Variants in SFMBT2 observed in about 807,000 individuals in gnomAD.
SFMBT2 encodes Scm like with four mbt domains 2.
In SFMBT2, 38 loss-of-function variants were observed where a neutral mutation model predicts 110.1. The observed-to-expected ratio is 0.35, with a 90% CI of 0.27 to 0.45. SFMBT2 has a LOEUF of 0.45. Among genes scored for constraint, SFMBT2 ranks in the 20% least tolerant of loss-of-function variants. SFMBT2 has a pLI of 1.00. For missense variants in SFMBT2, 1,011 were observed against 1,094.9 expected (o/e 0.92, Z 1.08); for synonymous variants, 425 against 425.4 (o/e 1.00, Z 0.01).
chr10:7,343,130 A>G (rs149277637), intron 4 of SFMBT2, among the ~76,000 whole-genome samples: 201 of 152,092 alleles, frequency 1.3e-3, no homozygotes, highest in Non-Finnish European at 2.6e-3. Flanking sequence ...AAGTGAGAGC[A>G]TGCAGCATCT....
intron 14 of SFMBT2, 197 bp from the exon 15 acceptor site, chr10:7,197,884 TTAGAA>T (rs1342325703): frequency 1.4e-5 from 12 of 863,164 alleles, no homozygotes; most frequent in Non-Finnish European, 1.7e-5. Context: ...GCCAGTGTCG[TTAGAA>T]CTGTAATTAG....
At position 7,248,599 on chromosome 10, in the gene SFMBT2, C is replaced by T. The variant is rs144205554; in HGVS notation, c.921G>A (p.Glu307=). 8.8e-4 allele frequency: 1,419 copies of T among 1,614,202 alleles called. 7 individuals carry two copies. The highest frequency in any genetic ancestry group is 3.0e-3 in the Middle Eastern group (18 of 6,060). The change falls in exon 8 of 21, where the codon GAG becomes GAA. Residue 307 remains glutamate, a synonymous_variant. Coordinates refer to ENST00000397167, the MANE Select transcript of SFMBT2 (RefSeq NM_001387889.1). ...AAAAGGGCTCGCACATATTCACTGT[C>T]TCAAGCTTCATCCCAACTGTGAAGA... is the stretch of plus-strand genomic sequence containing the variant. The part of the protein sequence containing the change: ...SHFFTVGMKL[E]TVNMCEPFYI...
At chr10:7,406,642 TAACA>T (rs959569769) in intron 1 of SFMBT2, among the ~76,000 whole-genome samples, 46 of 152,294 alleles carry the variant, frequency 3.0e-4, no homozygotes, top group African/African-American at 1.1e-3. Context: ...CAGTTATTTA[TAACA>T]ACCAATGTTA....
At chr10:7,233,806 C>T (rs1235608301) in intron 9 of SFMBT2, among the ~76,000 whole-genome samples, 1 of 152,232 alleles carries the variant, frequency 6.6e-6, no homozygotes, top group Non-Finnish European at 1.5e-5. Context: ...CCCACTAAAG[C>T]CAGGGGCTCT....
intron 2 of SFMBT2, among the ~76,000 whole-genome samples, chr10:7,378,048 TG>T (rs1845296540): frequency 6.7e-6 from 1 of 148,186 alleles, no homozygotes; most frequent in Non-Finnish European, 1.5e-5. Flanking sequence ...GATGGGTGGA[TG>T]GATGGATGTG....
At chr10:7,254,790 T>C (rs1242819991) in intron 7 of SFMBT2, among the ~76,000 whole-genome samples, 1 of 152,078 alleles carries the variant, frequency 6.6e-6, no homozygotes, top group Non-Finnish European at 1.5e-5. Context: ...ATCGAGCCAC[T>C]GCACTCAAGC....
rs569869539 is a variant in SFMBT2 at position 7,187,482 on chromosome 10, T to C, written c.1808+1142A>G. Among the ~76,000 whole-genome samples the C allele has an allele frequency of 4.6e-5, 7 of 152,360 alleles. No homozygotes were observed. In the South Asian group the frequency reaches 1.2e-3, roughly 27 times the overall value. ...AATGTAGCAGCATCGTTAATTGGCC[T>C]GCCATTTTCTGCAAATAAACCCTCT... On this transcript the variant is annotated intron_variant, in intron 16 of 20. Transcript: ENST00000397167.
At chr10:7,314,903 G>C (rs966179526) in intron 4 of SFMBT2, among the ~76,000 whole-genome samples, 1 of 150,690 alleles carries the variant, frequency 6.6e-6, no homozygotes, top group African/African-American at 2.5e-5. Flanking sequence ...GTGAGAAAGA[G>C]AGAAAGAGAA....
chr10:7,246,244 T>A, intron 8 of SFMBT2: 1 of 809,972 alleles, frequency 1.2e-6, no homozygotes, highest in African/African-American at 1.9e-5. Flanking sequence ...GTAAAAATAC[T>A]TTCTCCCTCC....
chr10:7,312,656 G>A (rs553022103), intron 4 of SFMBT2, among the ~76,000 whole-genome samples: 10 of 152,106 alleles, frequency 6.6e-5, no homozygotes, highest in South Asian at 2.1e-4. Flanking sequence ...GCAACTGCCC[G>A]GAGACCTCTG....
rs555861487 is a variant in SFMBT2 at position 7,313,438 on chromosome 10, C to T, written c.437-27484G>A. Among the ~76,000 whole-genome samples, 21 of 152,284 alleles carry T rather than the reference C, an allele frequency of 1.4e-4. No homozygotes were observed. The South Asian group carries it at 4.3e-3, about 32-fold the overall frequency. ...GCTCAAGCAATCTGCCCACCTCAGC[C>T]TCCCAAGTAGCTGGGAGTACAGGTG... On this transcript the variant is annotated intron_variant, in intron 4 of 20. Transcript: ENST00000397167.
intron 4 of SFMBT2, among the ~76,000 whole-genome samples, chr10:7,313,292 GA>G (rs1842906242): frequency 5.3e-5 from 8 of 151,942 alleles, no homozygotes; most frequent in Admixed American, 5.2e-4. Context: ...TAAAAACCTA[GA>G]GGGGCGAATA....
chr10:7,347,711 C>T (rs768011091), intron 4 of SFMBT2, among the ~76,000 whole-genome samples: 5 of 152,108 alleles, frequency 3.3e-5, no homozygotes, highest in Non-Finnish European at 7.4e-5. Flanking sequence ...ACTAAGCAGG[C>T]AAGCATCTCA....
At chr10:7,266,907 G>A (rs969448378) in intron 7 of SFMBT2, among the ~76,000 whole-genome samples, 2 of 150,926 alleles carry the variant, frequency 1.3e-5, no homozygotes, top group African/African-American at 5.0e-5. Flanking sequence ...TCCTCACAGA[G>A]GGGGCTCGCC....
At chr10:7,203,194 C>T in intron 12 of SFMBT2, 1 of 840,514 alleles carries the variant, frequency 1.2e-6, no homozygotes, top group Non-Finnish European at 1.4e-6. Context: ...ACTTCTAAAG[C>T]TGCTAGAGTC....
chr10:7,228,500 G>A (rs1486614531), intron 9 of SFMBT2: 1 of 238,334 alleles, frequency 4.2e-6, no homozygotes, highest in Non-Finnish European at 6.8e-6. Context: ...AGGGAAGGAA[G>A]GCAAACGTTG....
rs138695918 is a variant in SFMBT2, at chr10:7,395,033, G to A, written c.-51-13084C>T. On this transcript the variant is annotated intron_variant, in intron 1 of 20. Transcript: ENST00000397167. Reference sequence around the variant, plus strand: ...AGTGTAGGTGGGTAGAGAATGCTACGTTGGGCCGGGCACAGTGGCTCATGT... The same window carrying A: ...AGTGTAGGTGGGTAGAGAATGCTACATTGGGCCGGGCACAGTGGCTCATGT... 7.4e-4 allele frequency among the ~76,000 whole-genome samples: 112 copies of A among 152,278 alleles called. 1 individual carries two copies. The Middle Eastern group carries it at 0.017, about 23-fold the overall frequency.
chr10:7,355,628 T>C (rs1179482585), intron 4 of SFMBT2, among the ~76,000 whole-genome samples: 2 of 152,164 alleles, frequency 1.3e-5, no homozygotes, highest in African/African-American at 2.4e-5. Context: ...CTGGCTAAGA[T>C]AGTGAAACCC....
At chr10:7,317,029 C>T (rs1843035350) in intron 4 of SFMBT2, among the ~76,000 whole-genome samples, 1 of 152,140 alleles carries the variant, frequency 6.6e-6, no homozygotes, top group Non-Finnish European at 1.5e-5. Context: ...ACTAAATGAG[C>T]ACATACTTCC....
Sources: allele counts gnomAD v4.1 joint callset (sites outside exome capture counted in the v4.1 genomes callset), GRCh38; gene constraint gnomAD v4.1.1; transcripts MANE v1.5; gene names NCBI Gene and HGNC (gene_info 2026-07-23, HGNC 2026-07-21).